Variants in NRL observed in about 807,000 individuals in gnomAD.
The protein encoded by NRL is neural retina leucine zipper, also known as neural retina-specific leucine zipper protein.
Under a neutral mutation model 12.5 loss-of-function variants are expected in NRL, and 16 were observed. The ratio of observed to expected loss-of-function variants is 1.28; its 90% confidence interval spans 0.87 to 1.95. The LOEUF (loss-of-function observed/expected upper bound fraction) is 1.95. Among genes scored for constraint, NRL ranks in the 30% most tolerant of loss-of-function variants. The pLI, the probability that NRL is intolerant of heterozygous loss-of-function variation, is 0.00. For missense variants in NRL, 314 were observed against 325.8 expected, an observed-to-expected ratio of 0.96 and a Z score of 0.28; for synonymous variants, 142 against 150.9, an observed-to-expected ratio of 0.94 and a Z score of 0.43.
chr14:24,113,653 A>C (rs1331256231), intron 1 of NRL, among the ~76,000 whole-genome samples: 1 of 152,240 alleles, frequency 6.6e-6, no homozygotes, highest in Non-Finnish European at 1.5e-5. Context: ...TAGAACATTA[A>C]ACCAAACATT....
intron 1 of NRL, among the ~76,000 whole-genome samples, chr14:24,108,574 C>T (rs949096358): frequency 6.6e-6 from 1 of 151,692 alleles, no homozygotes; most frequent in African/African-American, 2.4e-5. Context: ...TCAAGCAATC[C>T]ACCTGCCTCA....
Position 24,085,323 on chromosome 14 carries a change from A to G in NRL, c.-27-2448T>C, listed in dbSNP as rs927330190. On this transcript the variant is annotated intron_variant, in intron 1 of 2. Transcript: ENST00000561028. The surrounding 1 kb of genome is among the most constrained non-coding windows in gnomAD (Gnocchi z 4.1). Reference sequence around the variant, plus strand: ...CAAGGGACATTGAAATCTAATCACCACCAGTCCGTCGGAGACACTTTTGTA... The same window carrying G: ...CAAGGGACATTGAAATCTAATCACCGCCAGTCCGTCGGAGACACTTTTGTA... 2.6e-5 allele frequency among the ~76,000 whole-genome samples: 4 copies of G among 152,044 alleles called. No individual in the cohort carries two copies. The highest frequency in any genetic ancestry group is 6.5e-5 in the Admixed American group (1 of 15,270).
chr14:24,102,697 T>G, intron 1 of NRL: 3 of 1,477,016 alleles, frequency 2.0e-6, no homozygotes, highest in Non-Finnish European at 2.8e-6. Flanking sequence ...CATGTATGTG[T>G]GTGTTGGGGG....
At position 24,081,816 on chromosome 14, in the gene NRL, C is replaced by A; in HGVS notation, c.382-248G>T. 6.9e-7 allele frequency: 1 copy of A among 1,455,558 alleles called. No homozygotes were observed. The highest frequency in any genetic ancestry group is 9.0e-7 in the Non-Finnish European group (1 of 1,107,752). 90.2% of individuals were successfully genotyped at this position (1,455,558 alleles called of 1,614,324 possible). On this transcript the variant is annotated intron_variant, in intron 2 of 2. Coordinates refer to ENST00000561028, the MANE Select transcript of NRL (RefSeq NM_001354768.3). This position sits in a 1 kb window ranked among gnomAD's most constrained non-coding sequence, Gnocchi z 4.4. ...CCCACGGTGCAGGGCCGGCCACGGT[C>A]AGGCGAGCCCGTCGCGCACCTAAAC...
At chr14:24,103,105 G>A in intron 1 of NRL, 1 of 1,410,900 alleles carries the variant, frequency 7.1e-7, no homozygotes, top group Non-Finnish European at 1.0e-6. Context: ...CAGAAGGGCT[G>A]GAGTTAGGGT....
rs2036193199 is a variant in NRL, at chr14:24,078,722, A to G, written c.*2514T>C. 6.6e-6 allele frequency among the ~76,000 whole-genome samples: 1 copy of G among 152,232 alleles called. No individual in the cohort carries two copies. Among genetic ancestry groups the G allele is most frequent in the Admixed American group, 6.5e-5 (1 of 15,286 alleles). On this transcript the variant is annotated 3_prime_UTR_variant, in exon 3 of 3. Coordinates refer to ENST00000561028, the MANE Select transcript of NRL (RefSeq NM_001354768.3). ...TGCTTATTTAAATGCATTTATTCTC[A>G]GTAGGTGGTTACCATTATTTTCACC...
rs2036430651 is a variant in NRL at position 24,085,026 on chromosome 14, G to A, written c.-27-2151C>T. Among the ~76,000 whole-genome samples, 1 of 152,182 alleles carries A rather than the reference G, an allele frequency of 6.6e-6. No individual in the cohort carries two copies. Among genetic ancestry groups the A allele is most frequent in the South Asian group, 2.1e-4 (1 of 4,834 alleles). On this transcript the variant is annotated intron_variant, in intron 1 of 2. Coordinates refer to ENST00000561028, the MANE Select transcript of NRL (RefSeq NM_001354768.3). The surrounding 1 kb of genome is among the most constrained non-coding windows in gnomAD (Gnocchi z 4.1). The stretch of plus-strand genomic sequence containing the variant: ...CTGCAGCCCCTCATCTGTCTTTGGA[G>A]ACTATAAGCTCTCCCACGCCCACTC...
intron 1 of NRL, chr14:24,103,519 T>TCATG (rs1374331026): frequency 6.5e-7 from 1 of 1,547,508 alleles, no homozygotes; most frequent in African/African-American, 1.4e-5. Context: ...GGGAAGATCA[T>TCATG]CATGCACGAC....
chr14:24,100,485 G>A, intron 1 of NRL: 2 of 799,104 alleles, frequency 2.5e-6, no homozygotes, highest in East Asian at 3.0e-5. Context: ...CCTATCTCAT[G>A]AGATTGTTGG....
intron 1 of NRL, chr14:24,099,860 C>G: frequency 6.4e-7 from 1 of 1,558,910 alleles, no homozygotes; most frequent in South Asian, 1.1e-5. Flanking sequence ...GCAGCCCAGC[C>G]ACCCGAGAGA....
At chr14:24,102,877 C>T (rs773578521) in intron 1 of NRL, 6 of 1,613,656 alleles carry the variant, frequency 3.7e-6, no homozygotes, top group Non-Finnish European at 5.1e-6. Context: ...TCTTTGGTGG[C>T]CGCAGACCCA....
intron 1 of NRL, chr14:24,102,744 C>T (rs1256801701): frequency 1.2e-6 from 2 of 1,611,488 alleles, no homozygotes; most frequent in South Asian, 1.1e-5. Flanking sequence ...TTTGTATTTC[C>T]TCTGCCAGGT....
intron 1 of NRL, among the ~76,000 whole-genome samples, chr14:24,106,088 TTAGAG>T (rs2037335264): frequency 6.6e-6 from 1 of 152,116 alleles, no homozygotes; most frequent in African/African-American, 2.4e-5. Context: ...GAACTACAGT[TTAGAG>T]TAGCCTAAAT....
intron 1 of NRL, chr14:24,084,667 G>A: frequency 1.0e-6 from 1 of 985,462 alleles, no homozygotes; most frequent in African/African-American, 1.7e-5. Context: ...ATTCTTAAAG[G>A]GCCAGCTCTC....
Position 24,103,429 on chromosome 14 carries a change from G to A in NRL, c.-28+11293C>T, listed in dbSNP as rs985103815. ...TATTCAGAACCATAAGCCTTTCACA[G>A]CTTCCTCCAACTGGATGCAGGGTGC... On this transcript the variant is annotated intron_variant, in intron 1 of 2. Coordinates refer to ENST00000561028, the MANE Select transcript of NRL (RefSeq NM_001354768.3). 11 of 1,316,614 alleles carry A rather than the reference G, an allele frequency of 8.4e-6. No homozygotes were observed. The African/African-American group carries it at 1.5e-4, about 18-fold the overall frequency. 81.6% of individuals were successfully genotyped at this position (1,316,614 alleles called of 1,614,324 possible).
chr14:24,111,279 C>T (rs538293713), intron 1 of NRL, among the ~76,000 whole-genome samples: 13 of 152,300 alleles, frequency 8.5e-5, no homozygotes, highest in African/African-American at 2.9e-4. Context: ...GTGCCCAGCT[C>T]ACTTGTGCGT....
Position 24,094,385 on chromosome 14 carries a change from C to T in NRL, c.-27-11510G>A. The T allele has an allele frequency of 6.5e-7, 1 of 1,549,122 alleles. No individual in the cohort carries two copies. Among genetic ancestry groups the T allele is most frequent in the East Asian group, 2.5e-5 (1 of 40,410 alleles). On this transcript the variant is annotated intron_variant, in intron 1 of 2. Transcript: ENST00000561028. The surrounding 1 kb of genome is among the most constrained non-coding windows in gnomAD (Gnocchi z 4.1). ...GGCTCCGCTCGGTTCCTGGCCACCC[C>T]GCAGCCCCTGCCCAGGTGCCATGGC... is the stretch of plus-strand genomic sequence containing the variant.
chr14:24,089,250 T>TTA (rs991243468), intron 1 of NRL, among the ~76,000 whole-genome samples: 79 of 151,940 alleles, frequency 5.2e-4, no homozygotes, highest in African/African-American at 1.9e-3. Context: ...GTTATACATT[T>TTA]TAATCTTTTT....
At chr14:24,095,607 G>T (rs145116907) in intron 1 of NRL, among the ~76,000 whole-genome samples, 238 of 152,332 alleles carry the variant, frequency 1.6e-3, no homozygotes, top group African/African-American at 5.6e-3. Flanking sequence ...CTAGGAAGAA[G>T]AGCCAGGGGA....
Sources: gnomAD v4.1 joint callset for allele counts (sites outside exome capture counted in the v4.1 genomes callset) on GRCh38, gnomAD v4.1.1 for gene constraint, Gnocchi (gnomAD v3.1) non-coding constraint, MANE v1.5 for transcripts, NCBI Gene and HGNC (gene_info 2026-07-23, HGNC 2026-07-21) for gene names.